CCN3: variants seen among roughly 807,000 people sequenced by gnomAD.
CCN3 encodes the protein CCN family member 3.
CCN3 carries 20 observed loss-of-function variants against 33.4 expected under a neutral mutation model. The ratio of observed to expected loss-of-function variants is 0.60; its 90% CI spans 0.42 to 0.87. CCN3 has a LOEUF of 0.87. CCN3 is among the 40% of genes least tolerant of loss of function. CCN3 has a pLI of 0.00. For missense variants in CCN3, 465 were observed against 455.3 expected, an observed-to-expected ratio of 1.02 and a Z score of -0.19; for synonymous variants, 205 against 170.4, an observed-to-expected ratio of 1.20 and a Z score of -1.58.
chr8:119,416,449 C>A lies in CCN3; in HGVS notation c.-84C>A. ...ACCTGTGCTGGGCGTGATCGGCAAG[C>A]ACCGGACCAGGGGGAAGGCGAGCAG... On this transcript the variant is annotated 5_prime_UTR_variant, in exon 1 of 5. Transcript: ENST00000259526. The A allele has an allele frequency of 7.4e-7, 1 of 1,343,494 alleles. No homozygotes were observed. Among genetic ancestry groups the A allele is most frequent in the Non-Finnish European group, 1.1e-6 (1 of 950,086 alleles). 83.2% of individuals were successfully genotyped at this position (1,343,494 alleles called of 1,614,324 possible).
intron 1 of CCN3, 27 bp from the exon 2 acceptor site, chr8:119,416,717 G>C: frequency 6.3e-7 from 1 of 1,576,690 alleles, no homozygotes. Flanking sequence ...CAGCTGAGTG[G>C]TTTCTCCTTG....
chr8:119,423,177 C>T lies in CCN3; in HGVS notation c.*45C>T, dbSNP rs1420334153. 1.1e-5 allele frequency: 16 copies of T among 1,507,990 alleles called. No homozygotes were observed. Among genetic ancestry groups the T allele is most frequent in the South Asian group, 1.2e-5 (1 of 83,314 alleles). 93.4% of individuals were successfully genotyped at this position (1,507,990 alleles called of 1,614,324 possible). On this transcript the variant is annotated 3_prime_UTR_variant, in exon 5 of 5. Transcript: ENST00000259526. The stretch of plus-strand genomic sequence containing the variant: ...ACCTACAGAGCACCTGTAGCTGCTG[C>T]GCCACCCACCATCAAAGGAATATAA...
chr8:119,423,158 A>AG lies in CCN3; in HGVS notation c.*27dup. 1.9e-6 allele frequency: 3 copies of AG among 1,596,010 alleles called. No homozygotes were observed. The highest frequency in any genetic ancestry group is 2.6e-6 in the Non-Finnish European group (3 of 1,167,688). ...CCTGTCACTCAAGAAGCACACCTAC[A>AG]GAGCACCTGTAGCTGCTGCGCCACC... On this transcript the variant is annotated 3_prime_UTR_variant, in exon 5 of 5. Transcript: ENST00000259526.
intron 4 of CCN3, among the ~76,000 whole-genome samples, chr8:119,420,541 C>T (rs902371984): frequency 2.6e-5 from 4 of 152,138 alleles, no homozygotes; most frequent in African/African-American, 9.7e-5. Context: ...CACCTAGAAA[C>T]ACCTTATCCC....
rs1417716396 is a variant in CCN3 at position 119,422,907 on chromosome 8, C to A, written c.849C>A (p.Ser283Arg). ...AIHLQFKNCTSLHTYKPRFCG... is the reference protein window; with the variant it reads ...AIHLQFKNCTRLHTYKPRFCG... ...ACCTGCAGTTCAAGAACTGCACCAG[C>A]CTGCACACCTACAAGCCCAGGTTCT... is the stretch of plus-strand genomic sequence containing the variant. Residue 283 changes from serine to arginine, a missense_variant, in exon 5 of 5, where the codon AGC becomes AGA. Coordinates refer to ENST00000259526, the MANE Select transcript of CCN3 (RefSeq NM_002514.4). The A allele has an allele frequency of 6.2e-7, 1 of 1,614,064 alleles. No homozygotes were observed. The highest frequency in any genetic ancestry group is 8.5e-7 in the Non-Finnish European group (1 of 1,179,982).
In CCN3 at chr8:119,418,249, T is replaced by A; in HGVS notation, c.502T>A (p.Cys168Ser). 6.2e-7 allele frequency: 1 copy of A among 1,614,200 alleles called. No homozygotes were observed. Among genetic ancestry groups the A allele is most frequent in the Non-Finnish European group, 8.5e-7 (1 of 1,180,038 alleles). Residue 168 changes from cysteine to serine, a missense_variant, in exon 3 of 5, where the codon TGT becomes AGT. Cys to Ser is a moderately radical substitution (Grantham distance 112, BLOSUM62 -1). Transcript: ENST00000259526. ...PRKVEVPGEC[C>S]EKWICGPDEE... ...AAAAGTTGAGGTGCCTGGAGAGTGC[T>A]GTGAAAAGTGGATCTGTGGCCCAGA...
Position 119,416,919 on chromosome 8 carries a change from T to C in CCN3, c.260T>C (p.Leu87Pro). The change falls in exon 2 of 5, where the codon CTC becomes CCC. Residue 87 changes from leucine to proline, a missense_variant. By Grantham distance (98) the Leu-to-Pro change is moderately conservative. Transcript: ENST00000259526. ...DLEPCDESSG[L>P]YCDRSADPSN... ...GAGCCATGCGACGAGAGCAGTGGCCTCTACTGTGATCGCAGCGCGGACCCC... is the reference window on the plus strand; with the variant it reads ...GAGCCATGCGACGAGAGCAGTGGCCCCTACTGTGATCGCAGCGCGGACCCC... The C allele has an allele frequency of 6.2e-7, 1 of 1,613,878 alleles. No individual in the cohort carries two copies.
At position 119,416,525 on chromosome 8, in the gene CCN3, G is replaced by C. The variant is rs369141648; in HGVS notation, c.-8G>C. ...CGTTTGGTAAAAGCGAGAGGGGAAA[G>C]CCTGAGCATGCAGAGTGTGCAGAGC... On this transcript the variant is annotated 5_prime_UTR_variant, in exon 1 of 5. Coordinates refer to ENST00000259526, the MANE Select transcript of CCN3 (RefSeq NM_002514.4). 3.1e-6 allele frequency: 5 copies of C among 1,613,422 alleles called. No individual in the cohort carries two copies. In the African/African-American group the frequency reaches 5.3e-5, roughly 17 times the overall value.
In CCN3 at chr8:119,416,930, C is replaced by T. The variant is rs941629639; in HGVS notation, c.271C>T (p.Arg91Cys). The T allele has an allele frequency of 4.3e-6, 7 of 1,613,586 alleles. No individual in the cohort carries two copies. The African/African-American group carries it at 9.3e-5, about 22-fold the overall frequency. The change falls in exon 2 of 5, where the codon CGC becomes TGC. Residue 91 changes from arginine to cysteine, a missense_variant. Transcript: ENST00000259526. The part of the protein sequence containing the change: ...CDESSGLYCD[R>C]SADPSNQTGI... ...CGAGAGCAGTGGCCTCTACTGTGAT[C>T]GCAGCGCGGACCCCAGCAACCAGAC...
chr8:119,416,628 A>G lies in CCN3; in HGVS notation c.84+12A>G. ...ATCTCCTGGGACAGGTAAGTGGCAC[A>G]CCCTTAAGATGCCCCCAAGTTACTT... On this transcript the variant is annotated intron_variant, in intron 1 of 4. Transcript: ENST00000259526. The G allele has an allele frequency of 6.2e-7, 1 of 1,612,332 alleles. No individual in the cohort carries two copies. The highest frequency in any genetic ancestry group is 2.2e-5 in the East Asian group (1 of 44,848).
chr8:119,423,964 C>A lies in CCN3; in HGVS notation c.*832C>A, dbSNP rs1166418185. On this transcript the variant is annotated 3_prime_UTR_variant, in exon 5 of 5. Coordinates refer to ENST00000259526, the MANE Select transcript of CCN3 (RefSeq NM_002514.4). ...CATCTAACTGATGAGTAAACTGAGG[C>A]CCAAAGCACTTGCTTACATCCTCTG... The A allele has an allele frequency of 6.6e-6, 1 of 152,092 alleles. No individual in the cohort carries two copies. The highest frequency in any genetic ancestry group is 1.5e-5 in the Non-Finnish European group (1 of 68,018). The allele number at this position is 152,092 out of a possible 1,614,324, so 9.4% of individuals were successfully genotyped here. A position where few individuals can be genotyped will look rare whatever the true frequency, so the allele number is the denominator to read the frequency against.
chr8:119,417,047 C>T (rs1563615692), intron 2 of CCN3, 78 bp downstream of exon 2: 1 of 1,195,212 alleles, frequency 8.4e-7, no homozygotes, highest in Non-Finnish European at 1.2e-6. Flanking sequence ...CTTTTGTATT[C>T]CCCTTCCCAG....
At chr8:119,421,083 A>G (rs1388026458) in intron 4 of CCN3, among the ~76,000 whole-genome samples, 12 of 141,698 alleles carry the variant, frequency 8.5e-5, no homozygotes, top group Non-Finnish European at 3.0e-5. Context: ...CAGTGGCACA[A>G]TCTTGGCTCA....
intron 4 of CCN3, among the ~76,000 whole-genome samples, chr8:119,421,560 T>C (rs986219893): frequency 6.6e-6 from 1 of 152,194 alleles, no homozygotes; most frequent in Admixed American, 6.5e-5. Flanking sequence ...AGGTGAACAG[T>C]GGATAACTGT....
At chr8:119,421,119 C>T (rs992008222) in intron 4 of CCN3, among the ~76,000 whole-genome samples, 2 of 147,152 alleles carry the variant, frequency 1.4e-5, no homozygotes, top group African/African-American at 5.1e-5. Context: ...CCCGGGTTCA[C>T]GCTATTCTCC....
Position 119,423,138 on chromosome 8 carries a change from C to T in CCN3, c.*6C>T. 6.2e-7 allele frequency: 1 copy of T among 1,610,270 alleles called. No individual in the cohort carries two copies. The highest frequency in any genetic ancestry group is 8.5e-7 in the Non-Finnish European group (1 of 1,177,230). ...CTACCAGAGGGAAAATGTAACCTGT[C>T]ACTCAAGAAGCACACCTACAGAGCA... On this transcript the variant is annotated 3_prime_UTR_variant, in exon 5 of 5. Coordinates refer to ENST00000259526, the MANE Select transcript of CCN3 (RefSeq NM_002514.4).
In CCN3 at chr8:119,418,076, G is replaced by A. The variant is rs1261549541; in HGVS notation, c.329G>A (p.Cys110Tyr). 1.3e-5 allele frequency: 21 copies of A among 1,613,490 alleles called. No individual in the cohort carries two copies. Among genetic ancestry groups the A allele is most frequent in the Non-Finnish European group, 1.7e-5 (20 of 1,179,544 alleles). Residue 110 changes from cysteine to tyrosine, a missense_variant, in exon 3 of 5, where the codon TGT becomes TAT. Physicochemically the swap from Cys to Tyr is radical, Grantham distance 194 (BLOSUM62 -2). Transcript: ENST00000259526. ...ATTCTAGCGGTAGAGGGAGATAACT[G>A]TGTGTTCGATGGGGTCATCTACCGC... is the stretch of plus-strand genomic sequence containing the variant. ...GICTAVEGDN[C>Y]VFDGVIYRSG...
intron 4 of CCN3, among the ~76,000 whole-genome samples, chr8:119,422,146 CAGAG>C (rs1318660084): frequency 2.0e-5 from 3 of 151,162 alleles, no homozygotes; most frequent in Non-Finnish European, 2.9e-5. Flanking sequence ...GGCAGCAGGA[CAGAG>C]AGAGACAGAG....
rs1820157412 is a variant in CCN3, at chr8:119,423,574, T to C, written c.*442T>C. Reference sequence around the variant, plus strand: ...TATTACAACCATATATTGAGGTTCATTGGGAAGATTCTCTATTGGCTCCCT... The same window carrying C: ...TATTACAACCATATATTGAGGTTCACTGGGAAGATTCTCTATTGGCTCCCT... On this transcript the variant is annotated 3_prime_UTR_variant, in exon 5 of 5. Coordinates refer to ENST00000259526, the MANE Select transcript of CCN3 (RefSeq NM_002514.4). The C allele has an allele frequency of 6.5e-6, 1 of 153,628 alleles. No individual in the cohort carries two copies. Among genetic ancestry groups the C allele is most frequent in the African/African-American group, 2.4e-5 (1 of 41,466 alleles). The allele number at this position is 153,628 out of a possible 1,614,324, so 9.5% of individuals were successfully genotyped here. A position where few individuals can be genotyped will look rare whatever the true frequency, so the allele number is the denominator to read the frequency against.
Sources: gnomAD v4.1 joint callset for allele counts (sites outside exome capture counted in the v4.1 genomes callset) on GRCh38, gnomAD v4.1.1 for gene constraint, MANE v1.5 for transcripts, NCBI Gene and HGNC (gene_info 2026-07-23, HGNC 2026-07-21) for gene names.